The following ESRRG variants were observed in gnomAD, a reference collection of about 807,000 sequenced individuals.
ESRRG encodes estrogen related receptor gamma.
In ESRRG, 13 loss-of-function variants were observed where a neutral mutation model predicts 44.0. The observed-to-expected ratio is 0.30, with a 90% CI of 0.19 to 0.47. The LOEUF (loss-of-function observed/expected upper bound fraction) is 0.47, where lower values mean the gene tolerates loss of function less well. Among genes scored for constraint, ESRRG ranks in the 20% least tolerant of loss-of-function variants. ESRRG has a pLI of 1.00. For synonymous variants in ESRRG, 215 were observed against 214.6 expected, an observed-to-expected ratio of 1.00 and a Z score of -0.02; for missense variants, 395 against 580.6, an observed-to-expected ratio of 0.68 and a Z score of 3.29.
At chr1:217,116,405 G>C (rs1431768037) in intron 1 of ESRRG, among the ~76,000 whole-genome samples, 1 of 152,120 alleles carries the variant, frequency 6.6e-6, no homozygotes, top group Non-Finnish European at 1.5e-5. Context: ...GCATCTATTA[G>C]ACTTATGGGC....
chr1:216,925,559 T>C (rs573865919), intron 2 of ESRRG, among the ~76,000 whole-genome samples: 2 of 152,292 alleles, frequency 1.3e-5, no homozygotes, highest in East Asian at 3.9e-4. Context: ...GAGAAGAACA[T>C]GCCCCTGAGG....
chr1:217,044,680 G>C (rs1413215399), intron 1 of ESRRG, among the ~76,000 whole-genome samples: 1 of 152,104 alleles, frequency 6.6e-6, no homozygotes, highest in Non-Finnish European at 1.5e-5. Context: ...CATATTTTCT[G>C]ACTGGCACTT....
At chr1:216,569,907 C>A (rs1269689184) in intron 3 of ESRRG, among the ~76,000 whole-genome samples, 1 of 152,082 alleles carries the variant, frequency 6.6e-6, no homozygotes, top group African/African-American at 2.4e-5. Context: ...GTTTTGCAAA[C>A]CAATTGAACC....
intron 2 of ESRRG, among the ~76,000 whole-genome samples, chr1:216,667,819 C>A (rs1341707851): frequency 6.6e-6 from 1 of 151,428 alleles, no homozygotes; most frequent in African/African-American, 2.4e-5. Flanking sequence ...ATAAATAAGG[C>A]TGGGCGCGGT....
At chr1:216,848,173 A>G (rs11810390) in intron 2 of ESRRG, among the ~76,000 whole-genome samples, 6,178 of 152,138 alleles carry the variant, frequency 0.041, 157 homozygotes, top group African/African-American at 0.062. Flanking sequence ...AGGACCTAGA[A>G]TGGCAACTCA....
chr1:216,831,124 T>C (rs914033019), intron 2 of ESRRG, among the ~76,000 whole-genome samples: 4 of 151,964 alleles, frequency 2.6e-5, no homozygotes, highest in South Asian at 4.2e-4. Context: ...GGTAATTTTA[T>C]ACATGGCATT....
At chr1:216,632,825 A>G (rs1279319944) in intron 3 of ESRRG, among the ~76,000 whole-genome samples, 1 of 152,180 alleles carries the variant, frequency 6.6e-6, no homozygotes, top group African/African-American at 2.4e-5. Context: ...TAACTCATTG[A>G]GAATCAGCAA....
chr1:216,701,685 T>C (rs966715372), intron 1 of ESRRG, among the ~76,000 whole-genome samples: 6 of 152,202 alleles, frequency 3.9e-5, no homozygotes, highest in African/African-American at 1.4e-4. Context: ...AAACCCCAAA[T>C]GGTCACCTTA....
At chr1:216,743,929 G>A (rs908908380) in intron 2 of ESRRG, among the ~76,000 whole-genome samples, 6 of 152,120 alleles carry the variant, frequency 3.9e-5, no homozygotes, top group African/African-American at 1.2e-4. Context: ...TCCTGCTTAC[G>A]GAAACTTTTG....
chr1:216,569,752 A>T (rs2060443357), intron 3 of ESRRG, among the ~76,000 whole-genome samples: 1 of 152,224 alleles, frequency 6.6e-6, no homozygotes, highest in South Asian at 2.1e-4. Flanking sequence ...CGTTGTACAT[A>T]TTTTGGCATG....
chr1:216,961,241 C>T (rs906064893), intron 1 of ESRRG, among the ~76,000 whole-genome samples: 1 of 152,130 alleles, frequency 6.6e-6, no homozygotes, highest in African/African-American at 2.4e-5. Flanking sequence ...TTATACCACA[C>T]AAAACAAATT....
chr1:216,943,926 T>C (rs530626389), intron 1 of ESRRG, among the ~76,000 whole-genome samples: 3 of 152,262 alleles, frequency 2.0e-5, no homozygotes, highest in African/African-American at 7.2e-5. Context: ...TGGGGAGATG[T>C]AGGGCAAAGA....
At chr1:216,707,381 C>T (rs1372788201) in intron 1 of ESRRG, 1 of 1,535,926 alleles carries the variant, frequency 6.5e-7, no homozygotes, top group Non-Finnish European at 8.7e-7. Context: ...GGAACACAGG[C>T]CAGATCAGAC....
At chr1:216,893,558 CT>C (rs553816271) in intron 2 of ESRRG, among the ~76,000 whole-genome samples, 1 of 152,140 alleles carries the variant, frequency 6.6e-6, no homozygotes, top group Non-Finnish European at 1.5e-5. Flanking sequence ...GACACAGTGT[CT>C]GGCAAGCAGT....
intron 2 of ESRRG, among the ~76,000 whole-genome samples, chr1:216,859,893 A>G (rs1471388761): frequency 6.6e-6 from 1 of 152,218 alleles, no homozygotes; most frequent in Non-Finnish European, 1.5e-5. Flanking sequence ...CAAAAGAAGC[A>G]GGCACATATC....
chr1:217,135,954 C>T (rs115195812), intron 1 of ESRRG, among the ~76,000 whole-genome samples: 2,648 of 152,234 alleles, frequency 0.017, 74 homozygotes, highest in African/African-American at 0.053. Context: ...CACCCCCGCC[C>T]CCTTTGCAGT....
chr1:216,704,989 T>C (rs1030626616), intron 1 of ESRRG, among the ~76,000 whole-genome samples: 2 of 152,224 alleles, frequency 1.3e-5, no homozygotes, highest in Non-Finnish European at 2.9e-5. Context: ...AAACTTATCT[T>C]GTTAGATACA....
intron 5 of ESRRG, among the ~76,000 whole-genome samples, chr1:216,521,382 G>A (rs1357089694): frequency 6.6e-6 from 1 of 151,800 alleles, no homozygotes; most frequent in Non-Finnish European, 1.5e-5. Flanking sequence ...GAAAAAAGGT[G>A]CAATGCAAAT....
At position 217,066,255 on chromosome 1, in the gene ESRRG, C is replaced by CTTTTTTTT. The variant is rs68151743; in HGVS notation, c.-106+23244_-106+23251dup. Among the ~76,000 whole-genome samples, 105 of 132,478 alleles carry CTTTTTTTT rather than the reference C, an allele frequency of 7.9e-4. 1 individual carries two copies. The highest frequency in any genetic ancestry group is 2.2e-3 in the South Asian group (9 of 4,106). 86.9% of individuals were successfully genotyped at this position (132,478 alleles called of 152,430 possible). A position where few individuals can be genotyped will look rare whatever the true frequency, so the allele number is the denominator to read the frequency against. On this transcript the variant is annotated intron_variant, in intron 1 of 7. Coordinates refer to the ESRRG transcript ENST00000359162. ...CATGGGGAGAATTCCTTTTTCTTTTCTTTTTTTTTTTTTTTTTGAGACGGA... is the reference window on the plus strand; with the variant it reads ...CATGGGGAGAATTCCTTTTTCTTTTCTTTTTTTTTTTTTTTTTTTTTTTTTGAGACGGA...
Sources: allele counts gnomAD v4.1 joint callset (sites outside exome capture counted in the v4.1 genomes callset), GRCh38; gene constraint gnomAD v4.1.1; transcripts MANE v1.5; gene names NCBI Gene and HGNC (gene_info 2026-07-23, HGNC 2026-07-21).